The following SLC7A14 variants were observed in gnomAD, a reference collection of about 807,000 sequenced individuals.
SLC7A14 encodes gamma-aminobutyric acid transporter SLC7A14.
In SLC7A14, 37 loss-of-function variants were observed where a neutral mutation model predicts 60.2. The ratio of observed to expected loss-of-function variants is 0.61; its 90% CI spans 0.47 to 0.81. The LOEUF is 0.81. SLC7A14 is among the 30% of genes least tolerant of loss of function. SLC7A14 has a pLI of 0.00. For synonymous variants in SLC7A14, 399 were observed against 395.8 expected (o/e 1.01, Z -0.10); for missense variants, 886 against 982.7 (o/e 0.90, Z 1.32).
chr3:170,467,316 T>G lies in SLC7A14; in HGVS notation c.2055A>C (p.Glu685Asp). 6.2e-7 allele frequency: 1 copy of G among 1,613,664 alleles called. No individual in the cohort carries two copies. The highest frequency in any genetic ancestry group is 8.5e-7 in the Non-Finnish European group (1 of 1,179,800). Residue 685 changes from glutamate to aspartate, a missense_variant, in exon 8 of 8, where the codon GAA becomes GAC. Glu to Asp is a conservative substitution (Grantham distance 45, BLOSUM62 2). Transcript: ENST00000231706. ...WNSTLEISAR[E>D]EALHQSTYQR... The stretch of plus-strand genomic sequence containing the variant: ...GGTACGTGCTTTGGTGCAGGGCCTC[T>G]TCTCGAGCGCTGATTTCCAGGGTGC...
chr3:170,578,368 G>T (rs1050795264), intron 1 of SLC7A14, among the ~76,000 whole-genome samples: 2 of 150,500 alleles, frequency 1.3e-5, no homozygotes, highest in South Asian at 2.1e-4. Context: ...CACCATCTTG[G>T]TTGCTCTTCT....
chr3:170,493,800 G>A (rs755565344), intron 4 of SLC7A14, among the ~76,000 whole-genome samples: 2 of 152,222 alleles, frequency 1.3e-5, no homozygotes, highest in Admixed American at 1.3e-4. Flanking sequence ...GGAAGGAAAT[G>A]TACTACGTAG....
Position 170,467,147 on chromosome 3 carries a change from G to C in SLC7A14, c.2224C>G (p.Arg742Gly), listed in dbSNP as rs151318739. The change falls in exon 8 of 8, where the codon CGG becomes GGG. Residue 742 changes from arginine to glycine, a missense_variant. Coordinates refer to ENST00000231706, the MANE Select transcript of SLC7A14 (RefSeq NM_020949.3). Reference sequence around the variant, plus strand: ...TTGCTCTTCGCTTTGCTACTTGTCCGGCCGTTTGCCTTCGCATCTGACATC... The same window carrying C: ...TTGCTCTTCGCTTTGCTACTTGTCCCGCCGTTTGCCTTCGCATCTGACATC... ...QQMSDAKANG[R>G]TSSKAKSKSK... 1 of 1,614,162 alleles carries C rather than the reference G, an allele frequency of 6.2e-7. No homozygotes were observed. Among genetic ancestry groups the C allele is most frequent in the Non-Finnish European group, 8.5e-7 (1 of 1,180,022 alleles).
At chr3:170,541,010 G>A (rs79960040) in intron 1 of SLC7A14, among the ~76,000 whole-genome samples, 6,240 of 152,204 alleles carry the variant, frequency 0.041, 399 homozygotes, top group African/African-American at 0.14. Flanking sequence ...TATTGACATG[G>A]CAAAGGTTAA....
At chr3:170,524,371 A>G (rs1329318170) in intron 2 of SLC7A14, among the ~76,000 whole-genome samples, 1 of 152,222 alleles carries the variant, frequency 6.6e-6, no homozygotes, top group South Asian at 2.1e-4. Context: ...GCAGTGGAAA[A>G]GTCTAGATTA....
chr3:170,581,762 A>T (rs141074448), intron 1 of SLC7A14, among the ~76,000 whole-genome samples: 1 of 152,292 alleles, frequency 6.6e-6, no homozygotes, highest in Non-Finnish European at 1.5e-5. Flanking sequence ...GTTTTACAAT[A>T]GTCCTTTGAG....
chr3:170,540,583 C>T (rs1462622721), intron 1 of SLC7A14, among the ~76,000 whole-genome samples: 1 of 151,958 alleles, frequency 6.6e-6, no homozygotes, highest in Admixed American at 6.6e-5. Context: ...CTTCTGGTGT[C>T]TCCTTTGAGG....
At chr3:170,481,252 A>G in intron 6 of SLC7A14, 86 bp from the exon 7 acceptor site, 1 of 1,410,446 alleles carries the variant, frequency 7.1e-7, no homozygotes, top group Non-Finnish European at 9.5e-7. Flanking sequence ...AGAACTATCA[A>G]TAGGCTGGTG....
At chr3:170,487,282 A>G (rs1712065873) in intron 4 of SLC7A14, among the ~76,000 whole-genome samples, 1 of 150,754 alleles carries the variant, frequency 6.6e-6, no homozygotes, top group Admixed American at 6.7e-5. Context: ...TTTCTTTGAA[A>G]GAACCTATTG....
chr3:170,515,346 A>G lies in SLC7A14; in HGVS notation c.304+11287T>C, dbSNP rs764571993. Among the ~76,000 whole-genome samples, 3 of 150,852 alleles carry G rather than the reference A, an allele frequency of 2.0e-5. No individual in the cohort carries two copies. The Admixed American group carries it at 2.0e-4, about 10-fold the overall frequency. On this transcript the variant is annotated intron_variant, in intron 2 of 7. Transcript: ENST00000231706. ...AAAAAAAAAATATATATATATGTAT[A>G]TATATATTATGGATATGGAAAGGTT...
Position 170,480,950 on chromosome 3 carries a change from C to T in SLC7A14, c.1332G>A (p.Leu444=), listed in dbSNP as rs144501381. The T allele has an allele frequency of 9.9e-6, 16 of 1,613,968 alleles. No individual in the cohort carries two copies. In the African/African-American group the frequency reaches 1.1e-4, roughly 11 times the overall value. ...ESDIDGFVKF[L]SEEHTKKKEG... ...CCTTCTTCTTGGTGTGCTCCTCAGA[C>T]AAGAACTTGACAAAACCATCAATGT... Residue 444 remains leucine (L), a synonymous_variant, in exon 7 of 8, where the codon TTG becomes TTA. Transcript: ENST00000231706.
intron 4 of SLC7A14, among the ~76,000 whole-genome samples, chr3:170,487,715 T>C (rs994433755): frequency 6.6e-6 from 1 of 152,246 alleles, no homozygotes; most frequent in Non-Finnish European, 1.5e-5. Flanking sequence ...CTACCGTTTC[T>C]CTCAGCTAGG....
At chr3:170,528,086 G>A (rs1192669548) in intron 1 of SLC7A14, among the ~76,000 whole-genome samples, 2 of 152,162 alleles carry the variant, frequency 1.3e-5, no homozygotes, top group Admixed American at 6.5e-5. Flanking sequence ...GAACTGGCAC[G>A]TTTGCGGTGA....
At chr3:170,557,319 T>A (rs1714514168) in intron 1 of SLC7A14, among the ~76,000 whole-genome samples, 1 of 152,132 alleles carries the variant, frequency 6.6e-6, no homozygotes, top group Non-Finnish European at 1.5e-5. Context: ...AATGGGCAGT[T>A]CTGCTGCCCA....
chr3:170,487,752 G>A (rs190878497), intron 4 of SLC7A14, among the ~76,000 whole-genome samples: 23 of 152,286 alleles, frequency 1.5e-4, no homozygotes, highest in Admixed American at 5.9e-4. Flanking sequence ...CCTCTACTCT[G>A]GGGTTCTTAT....
intron 1 of SLC7A14, among the ~76,000 whole-genome samples, chr3:170,560,640 C>A (rs1024145476): frequency 2.1e-4 from 32 of 152,140 alleles, no homozygotes; most frequent in Admixed American, 1.5e-3. Flanking sequence ...CTCTATAGAT[C>A]CCCTCATAAT....
In SLC7A14 at chr3:170,467,029, CATTTCTA is replaced by C; in HGVS notation, c.*19_*25del. On this transcript the variant is annotated 3_prime_UTR_variant, in exon 8 of 8. Transcript: ENST00000231706. ...TAAGTTACTGAAAATCAGTCATCACCATTTCTACCCACTTGTGTGTTTCTCCTACTCT... is the reference window on the plus strand; with the variant it reads ...TAAGTTACTGAAAATCAGTCATCACCCCCACTTGTGTGTTTCTCCTACTCT... 6.5e-7 allele frequency: 1 copy of C among 1,548,758 alleles called. No individual in the cohort carries two copies. Among genetic ancestry groups the C allele is most frequent in the Non-Finnish European group, 8.7e-7 (1 of 1,144,204 alleles).
chr3:170,518,199 C>A (rs1363678099), intron 2 of SLC7A14, among the ~76,000 whole-genome samples: 1 of 152,134 alleles, frequency 6.6e-6, no homozygotes, highest in Non-Finnish European at 1.5e-5. Context: ...TACATGAAAG[C>A]GCCTTCCATG....
At chr3:170,471,461 T>C (rs1739906807) in intron 7 of SLC7A14, among the ~76,000 whole-genome samples, 1 of 152,208 alleles carries the variant, frequency 6.6e-6, no homozygotes, top group Non-Finnish European at 1.5e-5. Context: ...TGTAAATATT[T>C]GAGTATGCAT....
Sources: gnomAD v4.1 joint callset for allele counts (sites outside exome capture counted in the v4.1 genomes callset) on GRCh38, gnomAD v4.1.1 for gene constraint, MANE v1.5 for transcripts, NCBI Gene and HGNC (gene_info 2026-07-23, HGNC 2026-07-21) for gene names.